Variants in KIAA1217 observed in about 807,000 individuals in gnomAD.
KIAA1217 encodes sickle tail protein homolog.
KIAA1217 carries 88 observed loss-of-function variants against 163.9 expected under a neutral mutation model. The ratio of observed to expected loss-of-function variants is 0.54; its 90% confidence interval spans 0.45 to 0.64. The LOEUF (loss-of-function observed/expected upper bound fraction) is 0.64, where lower values mean the gene tolerates loss of function less well. Ranked by LOEUF, KIAA1217 falls within the 30% of genes least tolerant of loss-of-function variation. KIAA1217 has a pLI of 0.00. For synonymous variants in KIAA1217, 903 were observed against 923.1 expected (o/e 0.98, Z 0.39); for missense variants, 2,372 against 2,475.0 (o/e 0.96, Z 0.88).
chr10:24,490,067 C>T (rs900815338), intron 6 of KIAA1217, among the ~76,000 whole-genome samples: 17 of 152,052 alleles, frequency 1.1e-4, no homozygotes, highest in African/African-American at 4.1e-4. Flanking sequence ...ACACTGGAAA[C>T]AGCACTTCCC....
chr10:24,082,832 CA>C (rs1213109462), intron 2 of KIAA1217, among the ~76,000 whole-genome samples: 1 of 152,182 alleles, frequency 6.6e-6, no homozygotes, highest in African/African-American at 2.4e-5. Context: ...TTGTCTTCCA[CA>C]ATGGTTGAAC....
At chr10:23,948,708 T>C (rs1844174229) in intron 1 of KIAA1217, among the ~76,000 whole-genome samples, 1 of 152,194 alleles carries the variant, frequency 6.6e-6, no homozygotes, top group Non-Finnish European at 1.5e-5. Flanking sequence ...TGTTTACAAA[T>C]GTATCCCACA....
intron 12 of KIAA1217, 91 bp from the exon 13 acceptor site, chr10:24,524,232 C>G: frequency 7.3e-7 from 1 of 1,366,418 alleles, no homozygotes; most frequent in Non-Finnish European, 1.0e-6. Flanking sequence ...ATGTGTGACT[C>G]TCACCTGGCT....
Position 23,995,016 on chromosome 10 carries a change from G to A in KIAA1217, c.-320-12209G>A, listed in dbSNP as rs141819839. Among the ~76,000 whole-genome samples the A allele has an allele frequency of 9.9e-3, 1,499 of 152,150 alleles. 5 individuals are homozygous for A. Among genetic ancestry groups the A allele is most frequent in the Middle Eastern group, 0.02 (6 of 294 alleles). ...AAAAATTAAAAAAACTTGCTTTTCC[G>A]TGTCTTTTAAAGTGTTGCCTCCAAT... is the stretch of plus-strand genomic sequence containing the variant. On this transcript the variant is annotated intron_variant, in intron 1 of 18. Coordinates refer to the KIAA1217 transcript ENST00000376462.
intron 1 of KIAA1217, among the ~76,000 whole-genome samples, chr10:23,767,543 C>T (rs1182374087): frequency 6.6e-6 from 1 of 151,984 alleles, no homozygotes. Context: ...TGAGACCAGA[C>T]TGGGAAACAT....
chr10:24,392,692 C>T (rs992961579), intron 3 of KIAA1217, among the ~76,000 whole-genome samples: 2 of 152,176 alleles, frequency 1.3e-5, no homozygotes, highest in Non-Finnish European at 2.9e-5. Context: ...ATACCAGCTA[C>T]TACTCTACAC....
At chr10:24,523,245 G>A (rs183502815) in intron 12 of KIAA1217, among the ~76,000 whole-genome samples, 144 of 150,476 alleles carry the variant, frequency 9.6e-4, no homozygotes, top group East Asian at 5.2e-3. Context: ...TCTCTTGAAC[G>A]TAAGAGTTTG....
At chr10:24,361,804 T>A (rs1158157050) in intron 2 of KIAA1217, among the ~76,000 whole-genome samples, 9 of 151,070 alleles carry the variant, frequency 6.0e-5, no homozygotes, top group African/African-American at 2.2e-4. Flanking sequence ...TGAAACCCCG[T>A]CTCTACTAAA....
Position 23,919,606 on chromosome 10 carries a change from T to TAAAAAAA in KIAA1217, c.-320-87600_-320-87594dup, listed in dbSNP as rs66850484. Reference sequence around the variant, plus strand: ...GGGCGACAAAGCAAGACTCCTTCTCTAAAAAAAAAAAAAAAAAAAAAAAAA... The same window carrying TAAAAAAA: ...GGGCGACAAAGCAAGACTCCTTCTCTAAAAAAAAAAAAAAAAAAAAAAAAAAAAAAAA... On this transcript the variant is annotated intron_variant, in intron 1 of 18. Coordinates refer to the KIAA1217 transcript ENST00000376462. 3.9e-5 allele frequency among the ~76,000 whole-genome samples: 3 copies of TAAAAAAA among 76,710 alleles called. No individual in the cohort carries two copies. The South Asian group carries it at 1.8e-3, about 45-fold the overall frequency. 50.3% of individuals were successfully genotyped at this position (76,710 alleles called of 152,430 possible).
intron 1 of KIAA1217, among the ~76,000 whole-genome samples, chr10:24,003,750 A>G (rs1215638220): frequency 6.6e-6 from 1 of 152,220 alleles, no homozygotes; most frequent in African/African-American, 2.4e-5. Flanking sequence ...GAATGTTTCT[A>G]TAATTCTACT....
At chr10:24,254,731 A>C (rs2074956013) in intron 2 of KIAA1217, among the ~76,000 whole-genome samples, 1 of 152,212 alleles carries the variant, frequency 6.6e-6, no homozygotes, top group Non-Finnish European at 1.5e-5. Flanking sequence ...GGAATGACAC[A>C]ATAAATATAT....
At chr10:23,981,183 A>G (rs1457871990) in intron 1 of KIAA1217, among the ~76,000 whole-genome samples, 2 of 152,256 alleles carry the variant, frequency 1.3e-5, no homozygotes, top group African/African-American at 4.8e-5. Flanking sequence ...AATAATATCT[A>G]TATACAATTT....
At chr10:23,874,582 C>T (rs995763006) in intron 1 of KIAA1217, among the ~76,000 whole-genome samples, 2 of 152,020 alleles carry the variant, frequency 1.3e-5, no homozygotes, top group African/African-American at 4.8e-5. Context: ...GCTCATATCT[C>T]CTTAATCTAG....
Position 24,388,503 on chromosome 10 carries a change from A to G in KIAA1217, c.553+7436A>G, listed in dbSNP as rs531703201. 5.9e-5 allele frequency among the ~76,000 whole-genome samples: 9 copies of G among 152,294 alleles called. No individual in the cohort carries two copies. In the South Asian group the frequency reaches 1.9e-3, roughly 32 times the overall value. The stretch of plus-strand genomic sequence containing the variant: ...CCATTCAGGACAGAGGCATGGGCAA[A>G]GACTTCATGACTAAAACACCAAAAG... On this transcript the variant is annotated intron_variant, in intron 3 of 20. Coordinates refer to ENST00000376454, the MANE Select transcript of KIAA1217 (RefSeq NM_019590.5).
Position 24,219,720 on chromosome 10 carries a change from A to G in KIAA1217, c.165A>G (p.Ser55=), listed in dbSNP as rs2069323037. The part of the protein sequence containing the change: ...ERLSNGNSRG[S]VSKSSRNIPR... Reference sequence around the variant, plus strand: ...TTTCTAATGGAAACAGTCGTGGTTCAGTTTCCAAGTCTTCCCGCAATATCC... The same window carrying G: ...TTTCTAATGGAAACAGTCGTGGTTCGGTTTCCAAGTCTTCCCGCAATATCC... The change falls in exon 2 of 21, where the codon TCA becomes TCG. Residue 55 remains serine (S), a synonymous_variant. Coordinates refer to ENST00000376454, the MANE Select transcript of KIAA1217 (RefSeq NM_019590.5). The G allele has an allele frequency of 1.2e-6, 2 of 1,614,044 alleles. No homozygotes were observed. The highest frequency in any genetic ancestry group is 1.1e-5 in the South Asian group (1 of 91,080).
chr10:24,256,688 TTGTGTG>T (rs146332353), intron 2 of KIAA1217, among the ~76,000 whole-genome samples: 1 of 151,952 alleles, frequency 6.6e-6, no homozygotes, highest in African/African-American at 2.4e-5. Flanking sequence ...AGGATTTGCT[TTGTGTG>T]TGTGTGTGTC....
chr10:24,108,126 C>T (rs1218840152), intron 2 of KIAA1217, among the ~76,000 whole-genome samples: 2 of 152,122 alleles, frequency 1.3e-5, no homozygotes, highest in Non-Finnish European at 2.9e-5. Flanking sequence ...GACTTCTCAT[C>T]CTAAGGAAGG....
chr10:24,146,677 T>C (rs920712606), intron 2 of KIAA1217, among the ~76,000 whole-genome samples: 3 of 151,464 alleles, frequency 2.0e-5, no homozygotes, highest in Non-Finnish European at 4.4e-5. Context: ...AGAGAGACCC[T>C]GTCTCAAAAA....
chr10:24,525,835 CA>C (rs2134768323), intron 13 of KIAA1217, among the ~76,000 whole-genome samples: 1 of 152,016 alleles, frequency 6.6e-6, no homozygotes, highest in Admixed American at 6.6e-5. Context: ...AAAAAAAATA[CA>C]AAAATTAGCT....
Sources: allele counts gnomAD v4.1 joint callset (sites outside exome capture counted in the v4.1 genomes callset), GRCh38; gene constraint gnomAD v4.1.1; transcripts MANE v1.5; gene names NCBI Gene and HGNC (gene_info 2026-07-23, HGNC 2026-07-21).